The following ATG7 variants were observed in gnomAD, a reference collection of about 807,000 sequenced individuals.
The protein encoded by ATG7 is autophagy related 7.
Under a neutral mutation model 82.4 loss-of-function variants are expected in ATG7, and 70 were observed. The observed-to-expected ratio is 0.85, with a 90% CI of 0.70 to 1.04. ATG7 has a LOEUF of 1.04. Among genes scored for constraint, ATG7 ranks in the 50% least tolerant of loss-of-function variants. The probability of loss-of-function intolerance (pLI) is 0.00; values close to 1 mark genes in which losing one functional copy is unlikely to be tolerated. For missense variants in ATG7, 792 were observed against 864.3 expected (o/e 0.92, Z 1.05); for synonymous variants, 287 against 313.0 (o/e 0.92, Z 0.88).
intron 15 of ATG7, 74 bp downstream of exon 15, chr3:11,358,686 C>G (rs2076093022): frequency 6.7e-7 from 1 of 1,482,688 alleles, no homozygotes; most frequent in Non-Finnish European, 9.1e-7. Context: ...CCCTAACCTT[C>G]CCTTCCCCAG....
At chr3:11,390,244 T>C in intron 19 of ATG7, among the ~76,000 whole-genome samples, 1 of 152,224 alleles carries the variant, frequency 6.6e-6, no homozygotes, top group East Asian at 1.9e-4. Context: ...ATAAGGAAGA[T>C]TGATTTTAAT....
intron 20 of ATG7, among the ~76,000 whole-genome samples, chr3:11,494,165 A>T (rs570842542): frequency 6.6e-6 from 1 of 152,352 alleles, no homozygotes; most frequent in South Asian, 2.1e-4. Context: ...AAGATGGGAG[A>T]TCAGTCTCAA....
At chr3:11,397,811 G>C (rs1350103506) in intron 19 of ATG7, among the ~76,000 whole-genome samples, 1 of 148,338 alleles carries the variant, frequency 6.7e-6, no homozygotes, top group Non-Finnish European at 1.5e-5. Context: ...GGCTGGGCGC[G>C]GTGGCTCACA....
intron 20 of ATG7, among the ~76,000 whole-genome samples, chr3:11,482,104 C>T (rs546616944): frequency 2.6e-5 from 4 of 152,200 alleles, no homozygotes; most frequent in Non-Finnish European, 1.5e-5. Flanking sequence ...CCTGATGCCC[C>T]GGTTCCTTCT....
intron 20 of ATG7, among the ~76,000 whole-genome samples, chr3:11,522,731 C>G (rs2092473754): frequency 6.6e-6 from 1 of 152,196 alleles, no homozygotes. Flanking sequence ...ACAGTAAATT[C>G]AAGTAAATCG....
At chr3:11,334,045 G>A (rs535310723) in intron 11 of ATG7, among the ~76,000 whole-genome samples, 6 of 152,058 alleles carry the variant, frequency 3.9e-5, no homozygotes, top group South Asian at 2.1e-4. Context: ...CACCGCTCCC[G>A]GCCAGCTTCG....
At chr3:11,274,029 A>G (rs1016449921) in intron 1 of ATG7, among the ~76,000 whole-genome samples, 2 of 152,158 alleles carry the variant, frequency 1.3e-5, no homozygotes, top group Non-Finnish European at 2.9e-5. Context: ...TGTGTCACCT[A>G]TAGCCCTTTG....
chr3:11,549,656 T>TG (rs2071595277), intron 20 of ATG7, among the ~76,000 whole-genome samples: 1 of 152,230 alleles, frequency 6.6e-6, no homozygotes, highest in Non-Finnish European at 1.5e-5. Context: ...ATCATTTGTG[T>TG]GGTTTCTAGT....
chr3:11,557,146 C>G lies in ATG7; in HGVS notation c.*2303C>G, dbSNP rs1454083588. On this transcript the variant is annotated 3_prime_UTR_variant, in exon 21 of 21. Coordinates refer to ENST00000693202, the MANE Select transcript of ATG7 (RefSeq NM_001349232.2). Reference sequence around the variant, plus strand: ...ACCCCAGGGGGAGGGGATAGAAACGCTCATTGACCAAAAAGGAGCAGCTGT... The same window carrying G: ...ACCCCAGGGGGAGGGGATAGAAACGGTCATTGACCAAAAAGGAGCAGCTGT... 2.6e-5 allele frequency: 4 copies of G among 152,658 alleles called. No individual in the cohort carries two copies. Among genetic ancestry groups the G allele is most frequent in the African/African-American group, 4.8e-5 (2 of 41,454 alleles). 9.5% of individuals were successfully genotyped at this position (152,658 alleles called of 1,614,324 possible).
chr3:11,360,679 C>T lies in ATG7; in HGVS notation c.1578C>T (p.Asn526=), dbSNP rs950363876. 4 of 1,614,170 alleles carry T rather than the reference C, an allele frequency of 2.5e-6. No individual in the cohort carries two copies. Among genetic ancestry groups the T allele is most frequent in the Non-Finnish European group, 3.4e-6 (4 of 1,180,026 alleles). Reference sequence around the variant, plus strand: ...AAGGAGCTGGGGACTTGTGTCCAAACCACCCTGTGGCATCTGCTGACCTCC... The same window carrying T: ...AAGGAGCTGGGGACTTGTGTCCAAATCACCCTGTGGCATCTGCTGACCTCC... ...KQQGAGDLCP[N]HPVASADLLG... Residue 526 remains asparagine, a synonymous_variant, in exon 16 of 21, where the codon AAC becomes AAT. Coordinates refer to ENST00000693202, the MANE Select transcript of ATG7 (RefSeq NM_001349232.2).
chr3:11,366,537 T>C (rs2076624317), intron 18 of ATG7, among the ~76,000 whole-genome samples: 2 of 152,232 alleles, frequency 1.3e-5, no homozygotes, highest in African/African-American at 4.8e-5. Flanking sequence ...CGTATCTCAT[T>C]TGAATCTTTC....
At chr3:11,397,010 T>C (rs2079354514) in intron 19 of ATG7, among the ~76,000 whole-genome samples, 1 of 151,840 alleles carries the variant, frequency 6.6e-6, no homozygotes, top group Non-Finnish European at 1.5e-5. Context: ...TTGAAAAAGA[T>C]GATTTAAAGG....
At chr3:11,436,070 A>G (rs1415642068) in intron 20 of ATG7, among the ~76,000 whole-genome samples, 1 of 152,194 alleles carries the variant, frequency 6.6e-6, no homozygotes, top group African/African-American at 2.4e-5. Flanking sequence ...ACCCATCTCT[A>G]AAAACAACAA....
chr3:11,362,302 A>G (rs945830669), intron 16 of ATG7, among the ~76,000 whole-genome samples: 13 of 152,234 alleles, frequency 8.5e-5, no homozygotes, highest in Non-Finnish European at 1.5e-4. Context: ...CTAGAATCAC[A>G]CAGAGAGGTG....
chr3:11,541,133 T>C (rs928786926), intron 20 of ATG7, among the ~76,000 whole-genome samples: 59 of 152,204 alleles, frequency 3.9e-4, no homozygotes, highest in South Asian at 6.2e-4. Context: ...ATCTCCTGAC[T>C]TCGTGATCCG....
At chr3:11,309,100 A>G (rs1948225071) in intron 7 of ATG7, 39 bp downstream of exon 7, 1 of 1,560,048 alleles carries the variant, frequency 6.4e-7, no homozygotes, top group Admixed American at 1.7e-5. Context: ...AGGTTGGTGA[A>G]ATCCCCTGGC....
chr3:11,299,721 T>C (rs1012070138), intron 5 of ATG7, among the ~76,000 whole-genome samples: 2 of 152,200 alleles, frequency 1.3e-5, no homozygotes, highest in African/African-American at 4.8e-5. Flanking sequence ...TGTGTTCTTT[T>C]CTTGATACCT....
intron 19 of ATG7, among the ~76,000 whole-genome samples, chr3:11,400,784 C>G (rs1471626682): frequency 2.0e-5 from 3 of 152,100 alleles, no homozygotes; most frequent in African/African-American, 7.2e-5. Context: ...TTATATAATT[C>G]TCAACTTCAA....
chr3:11,371,780 T>C (rs1268945722), intron 18 of ATG7, among the ~76,000 whole-genome samples: 1 of 151,214 alleles, frequency 6.6e-6, no homozygotes, highest in Non-Finnish European at 1.5e-5. Context: ...ATCCTGCTTT[T>C]TGAATTTTGT....
Sources: allele counts gnomAD v4.1 joint callset (sites outside exome capture counted in the v4.1 genomes callset), GRCh38; gene constraint gnomAD v4.1.1; transcripts MANE v1.5; gene names NCBI Gene and HGNC (gene_info 2026-07-23, HGNC 2026-07-21).